The following DIP2C variants were observed in gnomAD, a reference collection of about 807,000 sequenced individuals.
DIP2C encodes DIP2 acetate--CoA ligase C (putative).
A neutral mutation model predicts 192.4 loss-of-function variants in DIP2C; 33 were observed. The ratio of observed to expected loss-of-function variants is 0.17; its 90% CI spans 0.13 to 0.23. The LOEUF (loss-of-function observed/expected upper bound fraction) is 0.23, where lower values mean the gene tolerates loss of function less well. Ranked by LOEUF, DIP2C falls within the 10% of genes least tolerant of loss-of-function variation. The pLI is 1.00. For synonymous variants in DIP2C, 979 were observed against 864.1 expected, an observed-to-expected ratio of 1.13 and a Z score of -2.33; for missense variants, 1,537 against 2,110.1, an observed-to-expected ratio of 0.73 and a Z score of 5.32.
chr10:584,116 G>A (rs1337920883), intron 1 of DIP2C, among the ~76,000 whole-genome samples: 3 of 152,104 alleles, frequency 2.0e-5, no homozygotes, highest in Non-Finnish European at 1.5e-5. Flanking sequence ...TCTCCCCAGG[G>A]CTGAGACTAC....
intron 7 of DIP2C, among the ~76,000 whole-genome samples, chr10:414,740 T>TGTGTGTAGATCGGAAGAGC (rs1564679970): frequency 2.2e-5 from 1 of 44,618 alleles, no homozygotes; most frequent in Admixed American, 3.1e-4. Context: ...TGTGTGTGTG[T>TGTGTGTAGATCGGAAGAGC]ACATATATAT....
At chr10:396,494 G>C (rs781083325) in intron 10 of DIP2C, among the ~76,000 whole-genome samples, 1 of 152,192 alleles carries the variant, frequency 6.6e-6, no homozygotes, top group Non-Finnish European at 1.5e-5. Flanking sequence ...AATGTTTTGT[G>C]TCTGGTTATT....
intron 1 of DIP2C, among the ~76,000 whole-genome samples, chr10:617,652 A>ACCC (rs1446941858): frequency 1.3e-4 from 17 of 127,642 alleles, no homozygotes; most frequent in South Asian, 2.6e-4. Context: ...TCCTGTGGAT[A>ACCC]CCACCCCCCC....
At chr10:324,409 A>G (rs559758847) in intron 31 of DIP2C, among the ~76,000 whole-genome samples, 12 of 152,302 alleles carry the variant, frequency 7.9e-5, no homozygotes, top group Non-Finnish European at 1.6e-4. Context: ...TCCGAAGCAC[A>G]CCTGCCCTCA....
intron 1 of DIP2C, among the ~76,000 whole-genome samples, chr10:500,867 C>A (rs1006432551): frequency 6.6e-6 from 1 of 152,028 alleles, no homozygotes; most frequent in African/African-American, 2.4e-5. Context: ...ATGCTAAGAT[C>A]TTTCTATCAT....
chr10:397,204 G>C (rs1964056252), intron 10 of DIP2C, among the ~76,000 whole-genome samples: 2 of 152,134 alleles, frequency 1.3e-5, no homozygotes, highest in African/African-American at 4.8e-5. Flanking sequence ...TTTAGAGCTG[G>C]AAGAGTCACC....
At chr10:600,548 C>T (rs370644493) in intron 1 of DIP2C, among the ~76,000 whole-genome samples, 18 of 151,844 alleles carry the variant, frequency 1.2e-4, no homozygotes, top group East Asian at 3.9e-4. Flanking sequence ...TTAAAGAGGA[C>T]GGCCCAGGGT....
Position 478,871 on chromosome 10 carries a change from T to C in DIP2C, c.158-6322A>G, listed in dbSNP as rs140816894. ...ATAGCAACGTCTCTATGGCTCACCT[T>C]AGCTCCCAGAGAAGATAGGGGGAGG... is the stretch of plus-strand genomic sequence containing the variant. On this transcript the variant is annotated intron_variant, in intron 2 of 36. Transcript: ENST00000280886. 2.4e-3 allele frequency among the ~76,000 whole-genome samples: 371 copies of C among 152,248 alleles called. 1 individual carries two copies. The highest frequency in any genetic ancestry group is 8.5e-3 in the African/African-American group (353 of 41,532).
At chr10:304,683 CAT>C (rs1248083568) in intron 32 of DIP2C, among the ~76,000 whole-genome samples, 2 of 85,664 alleles carry the variant, frequency 2.3e-5, no homozygotes, top group Admixed American at 2.8e-4. Context: ...ACAATACTCA[CAT>C]AGCCCACACA....
At chr10:659,702 G>A (rs932325559) in intron 1 of DIP2C, among the ~76,000 whole-genome samples, 1 of 152,186 alleles carries the variant, frequency 6.6e-6, no homozygotes, top group Non-Finnish European at 1.5e-5. Context: ...GAATATACTC[G>A]TTCTTTTCGT....
chr10:586,721 T>A (rs1332984113), intron 1 of DIP2C, among the ~76,000 whole-genome samples: 1 of 152,326 alleles, frequency 6.6e-6, no homozygotes, highest in Non-Finnish European at 1.5e-5. Flanking sequence ...TGTTTTTACC[T>A]CCCTTTAGGT....
intron 1 of DIP2C, among the ~76,000 whole-genome samples, chr10:601,771 A>T (rs1000770478): frequency 3.9e-5 from 6 of 152,194 alleles, no homozygotes; most frequent in African/African-American, 1.4e-4. Context: ...GGAAGGGGGA[A>T]CAAGGCCAGG....
At chr10:393,884 C>T (rs916239019) in intron 10 of DIP2C, among the ~76,000 whole-genome samples, 1 of 145,064 alleles carries the variant, frequency 6.9e-6, no homozygotes, top group Non-Finnish European at 1.5e-5. Context: ...GCACTGGTTA[C>T]AACGTGTTTA....
At chr10:522,122 G>C (rs1773482) in intron 1 of DIP2C, among the ~76,000 whole-genome samples, 150,533 of 151,818 alleles carry the variant, frequency 0.99, 74,637 homozygotes, top group Non-Finnish European at 1. Flanking sequence ...AGCTGCTGAC[G>C]GTTTTACTGT....
chr10:323,968 T>C (rs1467437959), intron 31 of DIP2C, among the ~76,000 whole-genome samples: 1 of 151,852 alleles, frequency 6.6e-6, no homozygotes, highest in Non-Finnish European at 1.5e-5. Flanking sequence ...AGAAAATGAG[T>C]GTTTCCAAAG....
chr10:407,884 A>T (rs187508140), intron 9 of DIP2C, among the ~76,000 whole-genome samples: 31 of 151,302 alleles, frequency 2.0e-4, no homozygotes, highest in African/African-American at 7.5e-4. Context: ...TGGCCTTTTC[A>T]CTCTCTTGAT....
At chr10:580,190 G>A (rs936317402) in intron 1 of DIP2C, among the ~76,000 whole-genome samples, 2 of 151,814 alleles carry the variant, frequency 1.3e-5, no homozygotes, top group Non-Finnish European at 2.9e-5. Flanking sequence ...CATGCGTAGT[G>A]TATACATATG....
At chr10:366,849 C>T (rs1032867015) in intron 18 of DIP2C, among the ~76,000 whole-genome samples, 20 of 152,152 alleles carry the variant, frequency 1.3e-4, no homozygotes, top group Non-Finnish European at 2.4e-4. Flanking sequence ...TGAGCCCTTC[C>T]GAGAACACCA....
intron 1 of DIP2C, chr10:650,764 T>A (rs188547195): frequency 3.0e-6 from 2 of 660,090 alleles, no homozygotes; most frequent in Admixed American, 4.5e-5. Flanking sequence ...TAAGTTTAAG[T>A]TGTTTTCTGT....
Sources: allele counts gnomAD v4.1 joint callset (sites outside exome capture counted in the v4.1 genomes callset), GRCh38; gene constraint gnomAD v4.1.1; transcripts MANE v1.5; gene names NCBI Gene and HGNC (gene_info 2026-07-23, HGNC 2026-07-21).